ACER3: variants seen among roughly 807,000 people sequenced by gnomAD.
ACER3 encodes alkCDase 3.
A neutral mutation model predicts 48.9 loss-of-function variants in ACER3; 16 were observed. The ratio of observed to expected loss-of-function variants is 0.33; its 90% CI spans 0.22 to 0.50. The LOEUF is 0.50. Among genes scored for constraint, ACER3 ranks in the 20% least tolerant of loss-of-function variants. The pLI, the probability that ACER3 is intolerant of heterozygous loss-of-function variation, is 0.98. For synonymous variants in ACER3, 109 were observed against 107.8 expected (o/e 1.01, Z -0.07); for missense variants, 227 against 326.0 (o/e 0.70, Z 2.34).
chr11:76,925,818 A>G (rs2134808636), intron 1 of ACER3, among the ~76,000 whole-genome samples: 1 of 152,330 alleles, frequency 6.6e-6, no homozygotes, highest in Non-Finnish European at 1.5e-5. Flanking sequence ...TTGTCTTGAT[A>G]TTAGCATCTC....
chr11:76,959,531 T>C (rs1947929531), intron 3 of ACER3, among the ~76,000 whole-genome samples: 1 of 152,120 alleles, frequency 6.6e-6, no homozygotes, highest in Admixed American at 6.6e-5. Context: ...ATAAGGTTTT[T>C]TTTTGCAATT....
intron 1 of ACER3, among the ~76,000 whole-genome samples, chr11:76,900,425 T>C (rs1290378717): frequency 1.3e-5 from 2 of 152,228 alleles, no homozygotes; most frequent in Admixed American, 6.5e-5. Context: ...TAAAAATGTT[T>C]CTATATGATA....
rs139755256 is a variant in ACER3 at position 76,893,361 on chromosome 11, C to T, written c.103+32282C>T. On this transcript the variant is annotated intron_variant, in intron 1 of 10. Coordinates refer to ENST00000532485, the MANE Select transcript of ACER3 (RefSeq NM_018367.7). ...CTCCAGCCTGGGTGACCAAGCAAGA[C>T]CCCATCTCTAAAAAAATAAATAAGT... Among the ~76,000 whole-genome samples the T allele has an allele frequency of 3.6e-3, 548 of 152,162 alleles. 3 individuals carry two copies. The highest frequency in any genetic ancestry group is 7.9e-3 in the East Asian group (41 of 5,182).
chr11:76,953,367 G>A (rs370888418), intron 2 of ACER3, among the ~76,000 whole-genome samples: 3 of 152,148 alleles, frequency 2.0e-5, no homozygotes, highest in African/African-American at 7.2e-5. Context: ...GGGAGGCCGA[G>A]GTGGGTGGAT....
chr11:76,884,739 A>C (rs1364544631), intron 1 of ACER3, among the ~76,000 whole-genome samples: 1 of 151,918 alleles, frequency 6.6e-6, no homozygotes, highest in Non-Finnish European at 1.5e-5. Flanking sequence ...CTTCCAGGTG[A>C]ATTGGATTCT....
intron 6 of ACER3, among the ~76,000 whole-genome samples, chr11:76,993,407 A>G (rs942276322): frequency 2.0e-5 from 3 of 152,234 alleles, no homozygotes; most frequent in South Asian, 4.1e-4. Flanking sequence ...CAAATAAGAT[A>G]TGGCCACTAA....
At chr11:76,877,487 T>C (rs1945410558) in intron 1 of ACER3, among the ~76,000 whole-genome samples, 1 of 152,154 alleles carries the variant, frequency 6.6e-6, no homozygotes, top group Non-Finnish European at 1.5e-5. Flanking sequence ...TTCTAAGCTA[T>C]TTCACCTTCT....
intron 4 of ACER3, among the ~76,000 whole-genome samples, chr11:76,983,787 C>T (rs988819186): frequency 3.0e-4 from 44 of 144,426 alleles, no homozygotes; most frequent in Admixed American, 1.4e-4. Context: ...GCAGTCTAGA[C>T]CTCTAATGAT....
chr11:76,946,702 C>T (rs555958678), intron 2 of ACER3, among the ~76,000 whole-genome samples: 2 of 152,144 alleles, frequency 1.3e-5, no homozygotes, highest in South Asian at 2.1e-4. Context: ...CCCTCCCCTC[C>T]TTGGAGCAGC....
chr11:76,885,182 TG>T (rs1282903645), intron 1 of ACER3, among the ~76,000 whole-genome samples: 1 of 152,240 alleles, frequency 6.6e-6, no homozygotes, highest in Non-Finnish European at 1.5e-5. Context: ...GTTATTTGCA[TG>T]TACTATATGC....
At chr11:76,989,539 C>T (rs538918231) in intron 5 of ACER3, among the ~76,000 whole-genome samples, 7 of 152,094 alleles carry the variant, frequency 4.6e-5, no homozygotes, top group Admixed American at 4.6e-4. Context: ...GAGTTGAATC[C>T]TAAAAGATAA....
intron 1 of ACER3, among the ~76,000 whole-genome samples, chr11:76,887,811 CTTTTT>C (rs67954212): frequency 1.1e-5 from 1 of 87,186 alleles, no homozygotes. Context: ...CTATAGGTAA[CTTTTT>C]TTTTTTTTTT....
chr11:77,004,809 T>C (rs1459253928), intron 7 of ACER3, among the ~76,000 whole-genome samples: 1 of 152,216 alleles, frequency 6.6e-6, no homozygotes, highest in East Asian at 1.9e-4. Context: ...CATACTGTTA[T>C]ATTTGAAATG....
chr11:77,024,157 A>G lies in ACER3; in HGVS notation c.*3830A>G, dbSNP rs1454153493. 4.9e-5 allele frequency: 6 copies of G among 122,182 alleles called. No homozygotes were observed. Among genetic ancestry groups the G allele is most frequent in the East Asian group, 2.1e-4 (1 of 4,684 alleles). The allele number at this position is 122,182 out of a possible 1,614,324, so 7.6% of individuals were successfully genotyped here. ...CCTTTATGGAAGGAGCTGCAAAATG[A>G]AAAAAAAAAAAAAAAGGAATCATGT... On this transcript the variant is annotated 3_prime_UTR_variant, in exon 11 of 11. Coordinates refer to ENST00000532485, the MANE Select transcript of ACER3 (RefSeq NM_018367.7).
intron 5 of ACER3, among the ~76,000 whole-genome samples, chr11:76,987,705 C>T (rs1180781372): frequency 6.6e-6 from 1 of 152,180 alleles, no homozygotes. Context: ...TGGGAGGCCA[C>T]GATGGGAGGA....
In ACER3 at chr11:76,965,241, CAGAAG is replaced by C. The variant is rs888864717; in HGVS notation, c.267+6216_267+6220del. On this transcript the variant is annotated intron_variant, in intron 3 of 10. Coordinates refer to ENST00000532485, the MANE Select transcript of ACER3 (RefSeq NM_018367.7). ...GAAGACGAAATGAATGAAATGAAGC[CAGAAG>C]AGAAGTTTAGAGAAAAAAGAATAAA... Among the ~76,000 whole-genome samples the C allele has an allele frequency of 5.4e-4, 82 of 151,136 alleles. 4 individuals carry two copies. The highest frequency in any genetic ancestry group is 1.9e-3 in the African/African-American group (78 of 40,558).
At chr11:76,935,928 G>A (rs1947168811) in intron 2 of ACER3, among the ~76,000 whole-genome samples, 1 of 152,130 alleles carries the variant, frequency 6.6e-6, no homozygotes, top group Non-Finnish European at 1.5e-5. Flanking sequence ...AGTTCTACCA[G>A]CCACACTGTA....
intron 2 of ACER3, among the ~76,000 whole-genome samples, chr11:76,930,523 G>T (rs1946968360): frequency 6.6e-6 from 1 of 151,862 alleles, no homozygotes; most frequent in African/African-American, 2.4e-5. Context: ...GAATGTGTTT[G>T]CTCTTGCTTC....
chr11:76,881,828 C>T (rs1945533696), intron 1 of ACER3, among the ~76,000 whole-genome samples: 1 of 151,996 alleles, frequency 6.6e-6, no homozygotes, highest in Non-Finnish European at 1.5e-5. Flanking sequence ...GCAAGTTGAG[C>T]TTCTCATATC....
Sources: allele counts gnomAD v4.1 joint callset (sites outside exome capture counted in the v4.1 genomes callset), GRCh38; gene constraint gnomAD v4.1.1; transcripts MANE v1.5; gene names NCBI Gene and HGNC (gene_info 2026-07-23, HGNC 2026-07-21).